SRRD: variants seen among roughly 807,000 people sequenced by gnomAD.
The protein encoded by SRRD is SRR1 domain containing, also known as SRR1-like protein.
SRRD carries 28 observed loss-of-function variants against 30.7 expected under a neutral mutation model. The observed-to-expected ratio is 0.91, with a 90% CI of 0.68 to 1.25. The LOEUF (loss-of-function observed/expected upper bound fraction) is 1.25, where lower values mean the gene tolerates loss of function less well. Among genes scored for constraint, SRRD ranks in the 50% most tolerant of loss-of-function variants. The pLI is 0.00. For missense variants in SRRD, 415 were observed against 417.3 expected, an observed-to-expected ratio of 0.99 and a Z score of 0.05; for synonymous variants, 161 against 159.6, an observed-to-expected ratio of 1.01 and a Z score of -0.07.
At chr22:26,488,947 A>T (rs2091728666) in intron 4 of SRRD, among the ~76,000 whole-genome samples, 1 of 152,204 alleles carries the variant, frequency 6.6e-6, no homozygotes, top group Non-Finnish European at 1.5e-5. Context: ...TTCTCTGCCC[A>T]TGTTTGCACC....
At position 26,488,155 on chromosome 22, in the gene SRRD, C is replaced by G. The variant is rs375287623; in HGVS notation, c.377C>G (p.Ser126Cys). ...LPEESDVATD[S>C]IPREILVTGT... ...GAGGAGTCAGATGTGGCCACTGATTCTATCCCAAGAGAGATCTTGGTCACA... is the reference window on the plus strand; with the variant it reads ...GAGGAGTCAGATGTGGCCACTGATTGTATCCCAAGAGAGATCTTGGTCACA... The change falls in exon 3 of 7, where the codon TCT (serine) becomes TGT (cysteine). Residue 126 changes from serine (S) to cysteine (C), a missense_variant. Coordinates refer to ENST00000215917, the MANE Select transcript of SRRD (RefSeq NM_001013694.3). The G allele has an allele frequency of 6.2e-7, 1 of 1,614,206 alleles. No individual in the cohort carries two copies. Among genetic ancestry groups the G allele is most frequent in the South Asian group, 1.1e-5 (1 of 91,088 alleles).
rs1602188235 is a variant in SRRD at position 26,491,887 on chromosome 22, T to TG, written c.*217dup. 6.7e-6 allele frequency: 7 copies of TG among 1,049,334 alleles called. No individual in the cohort carries two copies. In the East Asian group the frequency reaches 1.8e-4, roughly 27 times the overall value. 65.0% of individuals were successfully genotyped at this position (1,049,334 alleles called of 1,614,324 possible). A position where few individuals can be genotyped will look rare whatever the true frequency, so the allele number is the denominator to read the frequency against. Reference sequence around the variant, plus strand: ...CATTTTACATCCTTCCCTCATGACCTGGCCTGATGTGGAGTAGCTCCTGAG... The same window carrying TG: ...CATTTTACATCCTTCCCTCATGACCTGGGCCTGATGTGGAGTAGCTCCTGAG... On this transcript the variant is annotated 3_prime_UTR_variant, in exon 7 of 7. Transcript: ENST00000215917.
At chr22:26,489,213 T>A (rs2091729989) in intron 4 of SRRD, among the ~76,000 whole-genome samples, 1 of 152,184 alleles carries the variant, frequency 6.6e-6, no homozygotes, top group Non-Finnish European at 1.5e-5. Flanking sequence ...GTCACTCAGT[T>A]CAGATCATCT....
chr22:26,484,591 G>C (rs950858534), intron 1 of SRRD, among the ~76,000 whole-genome samples: 6 of 152,136 alleles, frequency 3.9e-5, no homozygotes, highest in Admixed American at 1.3e-4. Flanking sequence ...CACACTTTAT[G>C]TTAAACATTG....
At position 26,490,029 on chromosome 22, in the gene SRRD, A is replaced by C. The variant is rs747149606; in HGVS notation, c.610-15A>C. On this transcript the variant is annotated splice_polypyrimidine_tract_variant and intron_variant, in intron 4 of 6. Coordinates refer to ENST00000215917, the MANE Select transcript of SRRD (RefSeq NM_001013694.3). Reference sequence around the variant, plus strand: ...GTTGTGGGCATGTTTACACCTGTGAATATCGTATCCCCAGGAAGGGAAACG... The same window carrying C: ...GTTGTGGGCATGTTTACACCTGTGACTATCGTATCCCCAGGAAGGGAAACG... 6.2e-7 allele frequency: 1 copy of C among 1,613,836 alleles called. No individual in the cohort carries two copies. Among genetic ancestry groups the C allele is most frequent in the Non-Finnish European group, 8.5e-7 (1 of 1,179,818 alleles).
chr22:26,486,100 C>A, intron 2 of SRRD, 37 bp downstream of exon 2: 1 of 1,613,714 alleles, frequency 6.2e-7, no homozygotes, highest in Non-Finnish European at 8.5e-7. Flanking sequence ...GATTGTGGGG[C>A]AGAAAAGAGA....
rs1266799887 is a variant in SRRD at position 26,483,939 on chromosome 22, C to T, written c.49C>T (p.Pro17Ser). 19 of 1,354,000 alleles carry T rather than the reference C, an allele frequency of 1.4e-5. No homozygotes were observed. In the East Asian group the frequency reaches 4.6e-4, roughly 33 times the overall value. 83.9% of individuals were successfully genotyped at this position (1,354,000 alleles called of 1,614,324 possible). A position where few individuals can be genotyped will look rare whatever the true frequency, so the allele number is the denominator to read the frequency against. ...AALESWQAAA[P>S]RKRRSAARRP... ...GCTGGAATCCTGGCAGGCGGCGGCT[C>T]CGCGGAAGAGGCGCTCCGCGGCTCG... The change falls in exon 1 of 7, where the codon CCG becomes TCG. Residue 17 changes from proline to serine, a missense_variant. Pro to Ser is a moderately conservative substitution (Grantham distance 74). Coordinates refer to ENST00000215917, the MANE Select transcript of SRRD (RefSeq NM_001013694.3).
rs546338227 is a variant in SRRD, at chr22:26,493,021, G to T, written c.*1349G>T. 2.6e-5 allele frequency: 4 copies of T among 152,108 alleles called. No homozygotes were observed. The highest frequency in any genetic ancestry group is 2.6e-4 in the Admixed American group (4 of 15,270). 9.4% of individuals were successfully genotyped at this position (152,108 alleles called of 1,614,324 possible). A position where few individuals can be genotyped will look rare whatever the true frequency, so the allele number is the denominator to read the frequency against. On this transcript the variant is annotated 3_prime_UTR_variant, in exon 7 of 7. Transcript: ENST00000215917. ...CTTAATCTCTGTTTTCACAGAATAG[G>T]CTATTTTTCTTTTTTTTTTTTTGAG... is the stretch of plus-strand genomic sequence containing the variant.
chr22:26,483,911 G>T lies in SRRD; in HGVS notation c.21G>T (p.Ala7=). ...GACCAATGGCTGCGGCCGCAGCTGC[G>T]GCGCTGGAATCCTGGCAGGCGGCGG... is the stretch of plus-strand genomic sequence containing the variant. MAAAAA[A]ALESWQAAAP... The change falls in exon 1 of 7, where the codon GCG becomes GCT. Residue 7 remains alanine (A), a synonymous_variant. Coordinates refer to ENST00000215917, the MANE Select transcript of SRRD (RefSeq NM_001013694.3). 7.4e-7 allele frequency: 1 copy of T among 1,347,640 alleles called. No homozygotes were observed. The highest frequency in any genetic ancestry group is 9.4e-7 in the Non-Finnish European group (1 of 1,059,800). The allele number at this position is 1,347,640 out of a possible 1,614,324, so 83.5% of individuals were successfully genotyped here.
chr22:26,490,867 T>A, intron 5 of SRRD, 158 bp from the exon 6 acceptor site: 1 of 652,134 alleles, frequency 1.5e-6, no homozygotes, highest in South Asian at 2.1e-5. Context: ...TTTCAACTAT[T>A]TAACTGGTTT....
intron 2 of SRRD, among the ~76,000 whole-genome samples, chr22:26,486,448 T>TATGC (rs2091709572): frequency 6.6e-6 from 1 of 152,234 alleles, no homozygotes. Context: ...ACATAATATT[T>TATGC]ATGCATGGAG....
At position 26,492,323 on chromosome 22, in the gene SRRD, G is replaced by T; in HGVS notation, c.*651G>T. ...GAAGTCCTTCCTCCGCTCCGTGTGG[G>T]TGAGATAGGCAATGTTCTCCCGTGC... On this transcript the variant is annotated 3_prime_UTR_variant, in exon 7 of 7. Coordinates refer to ENST00000215917, the MANE Select transcript of SRRD (RefSeq NM_001013694.3). The T allele has an allele frequency of 1.2e-6, 2 of 1,614,204 alleles. No homozygotes were observed. The highest frequency in any genetic ancestry group is 1.7e-6 in the Non-Finnish European group (2 of 1,180,042).
Position 26,494,181 on chromosome 22 carries a change from C to T in SRRD, c.*2509C>T. ...GCCCGGTTCATGATATCAAGTGCCT[C>T]ATTAAATTTGTCCTTGACAGATGGA... is the stretch of plus-strand genomic sequence containing the variant. On this transcript the variant is annotated 3_prime_UTR_variant, in exon 7 of 7. Transcript: ENST00000215917. 6.2e-7 allele frequency: 1 copy of T among 1,614,218 alleles called. No individual in the cohort carries two copies. The highest frequency in any genetic ancestry group is 8.5e-7 in the Non-Finnish European group (1 of 1,180,044).
At position 26,494,348 on chromosome 22, in the gene SRRD, G is replaced by A. The variant is rs374824076; in HGVS notation, c.*2676G>A. On this transcript the variant is annotated 3_prime_UTR_variant, in exon 7 of 7. Transcript: ENST00000215917. ...ACTTGCATCCATCGTGGCAACAAATGAAGGCAAGATTTCTGAAGTGGCCAT... is the reference window on the plus strand; with the variant it reads ...ACTTGCATCCATCGTGGCAACAAATAAAGGCAAGATTTCTGAAGTGGCCAT... 3 of 1,613,012 alleles carry A rather than the reference G, an allele frequency of 1.9e-6. No homozygotes were observed. In the African/African-American group the frequency reaches 4.0e-5, roughly 22 times the overall value.
At chr22:26,486,792 G>GGT (rs2091711782) in intron 2 of SRRD, among the ~76,000 whole-genome samples, 1 of 152,050 alleles carries the variant, frequency 6.6e-6, no homozygotes, top group African/African-American at 2.4e-5. Context: ...AATGAAAGGC[G>GGT]GTGACCAACT....
At position 26,492,100 on chromosome 22, in the gene SRRD, G is replaced by T. The variant is rs759190048; in HGVS notation, c.*428G>T. ...CAAAGACCACTCCCCGGTCGATGTA[G>T]ATCACAATGCGGCCAAAGGTGTAGA... On this transcript the variant is annotated 3_prime_UTR_variant, in exon 7 of 7. Transcript: ENST00000215917. 4 of 1,613,984 alleles carry T rather than the reference G, an allele frequency of 2.5e-6. No homozygotes were observed. Among genetic ancestry groups the T allele is most frequent in the Admixed American group, 1.7e-5 (1 of 59,992 alleles).
intron 6 of SRRD, 93 bp downstream of exon 6, chr22:26,491,163 G>A: frequency 7.8e-7 from 1 of 1,274,814 alleles, no homozygotes. Flanking sequence ...AAACTCATGG[G>A]CTAAGTGGCG....
At chr22:26,490,558 G>GTTTTTT (rs1491237870) in intron 5 of SRRD, among the ~76,000 whole-genome samples, 21 of 25,688 alleles carry the variant, frequency 8.2e-4, no homozygotes, top group Non-Finnish European at 1.7e-3. Context: ...TGGAATATTT[G>GTTTTTT]CTTTTTTTTT....
chr22:26,490,141 T>C lies in SRRD; in HGVS notation c.707T>C (p.Val236Ala), dbSNP rs1920997839. 1 of 1,614,168 alleles carries C rather than the reference T, an allele frequency of 6.2e-7. No homozygotes were observed. Among genetic ancestry groups the C allele is most frequent in the Admixed American group, 1.7e-5 (1 of 60,026 alleles). The part of the protein sequence containing the change: ...YNNLLWSNWS[V>A]DALSKMVIIG... ...AATCTTTTATGGAGTAACTGGTCAG[T>C]AGATGCCCTTTCTAAGATGGTCATC... The change falls in exon 5 of 7, where the codon GTA becomes GCA. Residue 236 changes from valine (V) to alanine (A), a missense_variant. Val to Ala is a moderately conservative substitution (Grantham distance 64). Coordinates refer to ENST00000215917, the MANE Select transcript of SRRD (RefSeq NM_001013694.3).
Sources: allele counts gnomAD v4.1 joint callset (sites outside exome capture counted in the v4.1 genomes callset), GRCh38; gene constraint gnomAD v4.1.1; transcripts MANE v1.5; gene names NCBI Gene and HGNC (gene_info 2026-07-23, HGNC 2026-07-21).